Variants in ECT2L observed in about 807,000 individuals in gnomAD.
ECT2L encodes epithelial cell-transforming sequence 2 oncogene-like.
ECT2L carries 126 observed loss-of-function variants against 122.8 expected under a neutral mutation model. The observed-to-expected ratio is 1.03, with a 90% CI of 0.89 to 1.19. The LOEUF (loss-of-function observed/expected upper bound fraction) is 1.19, where lower values mean the gene tolerates loss of function less well. Ranked by LOEUF, ECT2L falls within the 50% of genes most tolerant of loss-of-function variation. The probability of loss-of-function intolerance (pLI) is 0.00; values close to 1 mark genes in which losing one functional copy is unlikely to be tolerated. For synonymous variants in ECT2L, 385 were observed against 381.8 expected, an observed-to-expected ratio of 1.01 and a Z score of -0.10; for missense variants, 1,012 against 1,064.1, an observed-to-expected ratio of 0.95 and a Z score of 0.68.
intron 4 of ECT2L, among the ~76,000 whole-genome samples, chr6:138,829,817 G>C (rs1473129513): frequency 1.3e-5 from 2 of 151,826 alleles, no homozygotes; most frequent in Non-Finnish European, 2.9e-5. Flanking sequence ...CCGCCTCCCG[G>C]GTTCCAGCGA....
At chr6:138,889,066 A>G in intron 20 of ECT2L, 35 bp downstream of exon 20, 1 of 1,229,828 alleles carries the variant, frequency 8.1e-7, no homozygotes, top group Non-Finnish European at 1.1e-6. Context: ...GGCTGTGGAC[A>G]CCTTCCAAGC....
intron 8 of ECT2L, among the ~76,000 whole-genome samples, chr6:138,847,559 T>TA (rs1777277319): frequency 6.8e-6 from 1 of 146,324 alleles, no homozygotes. Flanking sequence ...TTTTTTTTTT[T>TA]AGTAAAGACG....
chr6:138,901,753 A>G (rs1471310036), intron 21 of ECT2L, among the ~76,000 whole-genome samples: 2 of 152,356 alleles, frequency 1.3e-5, no homozygotes, highest in East Asian at 1.9e-4. Context: ...TCTTATTCCT[A>G]TATCTGTTAG....
chr6:138,844,674 T>C, intron 7 of ECT2L, 94 bp downstream of exon 7: 1 of 1,205,966 alleles, frequency 8.3e-7, no homozygotes, highest in Non-Finnish European at 1.2e-6. Context: ...AAATCTTGTG[T>C]AATTCTGTGG....
intron 13 of ECT2L, among the ~76,000 whole-genome samples, chr6:138,874,271 A>G (rs923143156): frequency 1.3e-5 from 2 of 152,136 alleles, no homozygotes; most frequent in African/African-American, 4.8e-5. Context: ...GAGCCAAGGC[A>G]AAGACCCACC....
chr6:138,902,073 T>C (rs1484851272), intron 21 of ECT2L, among the ~76,000 whole-genome samples: 1 of 152,224 alleles, frequency 6.6e-6, no homozygotes, highest in African/African-American at 2.4e-5. Flanking sequence ...GTCAAAACAT[T>C]GTTAAGTAAC....
At chr6:138,878,297 A>C (rs1778525280) in intron 14 of ECT2L, among the ~76,000 whole-genome samples, 2 of 63,004 alleles carry the variant, frequency 3.2e-5, no homozygotes, top group South Asian at 9.0e-4. Flanking sequence ...ATTTAGATAC[A>C]TATATATATA....
At chr6:138,883,247 A>C (rs1417452221) in intron 16 of ECT2L, among the ~76,000 whole-genome samples, 1 of 152,212 alleles carries the variant, frequency 6.6e-6, no homozygotes, top group Non-Finnish European at 1.5e-5. Flanking sequence ...AATCATCCAC[A>C]TCTTTCTTGG....
At chr6:138,847,987 AG>A (rs966275238) in intron 8 of ECT2L, among the ~76,000 whole-genome samples, 82 of 152,338 alleles carry the variant, frequency 5.4e-4, no homozygotes, top group African/African-American at 1.8e-3. Flanking sequence ...AGGGGAAGCA[AG>A]GACCTTCTTC....
Position 138,814,602 on chromosome 6 carries a change from A to T in ECT2L, c.178A>T (p.Arg60Trp). 1 of 1,553,670 alleles carries T rather than the reference A, an allele frequency of 6.4e-7. No homozygotes were observed. Among genetic ancestry groups the T allele is most frequent in the Non-Finnish European group, 8.9e-7 (1 of 1,126,626 alleles). The change falls in exon 4 of 22, where the codon AGG becomes TGG. Residue 60 changes from arginine (R) to tryptophan (W), a missense_variant and splice_region_variant. Physicochemically the swap from Arg to Trp is moderately radical, Grantham distance 101. Coordinates refer to ENST00000541398, the MANE Select transcript of ECT2L (RefSeq NM_001077706.3). Reference protein sequence around the residue: ...IFLRCTKSQLRFVQDWFSERM... With the variant: ...IFLRCTKSQLWFVQDWFSERM... ...TTTAAGATGCACTAAATCACAATTA[A>T]GGTAAATGTAGCCTAATGATGTAAT...
At chr6:138,854,769 A>C (rs1777561158) in intron 10 of ECT2L, among the ~76,000 whole-genome samples, 1 of 152,232 alleles carries the variant, frequency 6.6e-6, no homozygotes, top group African/African-American at 2.4e-5. Flanking sequence ...ATGATGACTG[A>C]GGTTGCTGAT....
chr6:138,846,440 TGTAGA>T (rs1320588568), intron 7 of ECT2L, 94 bp from the exon 8 acceptor site: 1 of 1,207,286 alleles, frequency 8.3e-7, no homozygotes, highest in African/African-American at 1.5e-5. Flanking sequence ...CCACGTGCCT[TGTAGA>T]GTAGAGCTGA....
At chr6:138,873,777 A>G (rs901791968) in intron 13 of ECT2L, among the ~76,000 whole-genome samples, 1 of 152,114 alleles carries the variant, frequency 6.6e-6, no homozygotes, top group Admixed American at 6.5e-5. Flanking sequence ...CTGGGCGACA[A>G]GAGCAAGACT....
intron 1 of ECT2L, among the ~76,000 whole-genome samples, chr6:138,797,209 G>A (rs1242034803): frequency 6.6e-6 from 1 of 151,976 alleles, no homozygotes; most frequent in African/African-American, 2.4e-5. Flanking sequence ...CCTAAATGTG[G>A]GACATTTAAC....
chr6:138,850,764 G>A (rs527511743), intron 9 of ECT2L, among the ~76,000 whole-genome samples: 3 of 152,150 alleles, frequency 2.0e-5, no homozygotes, highest in South Asian at 4.2e-4. Context: ...CGCTTTGGGA[G>A]GCTGAGGCAG....
chr6:138,868,481 CT>C (rs796249181), intron 13 of ECT2L, among the ~76,000 whole-genome samples: 11,899 of 136,862 alleles, frequency 0.087, 1,264 homozygotes, highest in African/African-American at 0.26. Context: ...TCAGAAGTGA[CT>C]TTTTTTTTTT....
intron 5 of ECT2L, among the ~76,000 whole-genome samples, chr6:138,840,101 ATTG>A (rs1776984164): frequency 2.0e-5 from 3 of 152,190 alleles, no homozygotes; most frequent in Admixed American, 1.3e-4. Context: ...GAGAAAAGAG[ATTG>A]TTATTTAAAA....
chr6:138,815,891 G>A (rs1373161796), intron 4 of ECT2L, among the ~76,000 whole-genome samples: 1 of 152,096 alleles, frequency 6.6e-6, no homozygotes, highest in Non-Finnish European at 1.5e-5. Context: ...CTTTTGATCA[G>A]CCATTTTTTC....
At chr6:138,875,731 A>G (rs533445590) in intron 13 of ECT2L, among the ~76,000 whole-genome samples, 15 of 152,350 alleles carry the variant, frequency 9.8e-5, no homozygotes, top group African/African-American at 2.9e-4. Flanking sequence ...TGGTGAAAAA[A>G]GGAGTGAGTT....
Sources: gnomAD v4.1 joint callset for allele counts (sites outside exome capture counted in the v4.1 genomes callset) on GRCh38, gnomAD v4.1.1 for gene constraint, MANE v1.5 for transcripts, NCBI Gene and HGNC (gene_info 2026-07-23, HGNC 2026-07-21) for gene names.